Variants in NFIC observed in about 807,000 individuals in gnomAD.
NFIC encodes nuclear factor 1 C-type.
NFIC carries 12 observed loss-of-function variants against 54.4 expected under a neutral mutation model. The ratio of observed to expected loss-of-function variants is 0.22; its 90% CI spans 0.14 to 0.36. NFIC has a LOEUF of 0.36. NFIC is among the 10% of genes least tolerant of loss of function. The pLI is 1.00. For synonymous variants in NFIC, 322 were observed against 319.2 expected, an observed-to-expected ratio of 1.01 and a Z score of -0.09; for missense variants, 575 against 718.2, an observed-to-expected ratio of 0.80 and a Z score of 2.28.
chr19:3,362,830 C>G (rs901964474), upstream of NFIC, among the ~76,000 whole-genome samples: 2 of 152,134 alleles, frequency 1.3e-5, no homozygotes, highest in Non-Finnish European at 2.9e-5. Flanking sequence ...GCACACTGCA[C>G]TGCTGTGTAA....
upstream of NFIC, among the ~76,000 whole-genome samples, chr19:3,365,140 G>A (rs142850073): frequency 5.3e-4 from 80 of 152,280 alleles, no homozygotes; most frequent in East Asian, 9.5e-3. Flanking sequence ...AGTGGCTTCC[G>A]TTCTCTGGGC....
chr19:3,452,880 T>C lies in NFIC; in HGVS notation c.1269+214T>C, dbSNP rs749770369. Among the ~76,000 whole-genome samples, 8 of 152,188 alleles carry C rather than the reference T, an allele frequency of 5.3e-5. No individual in the cohort carries two copies. Among genetic ancestry groups the C allele is most frequent in the Non-Finnish European group, 1.0e-4 (7 of 68,040 alleles). ...GTTTCGGGCGCATCATGTCGCACCCTGTGGGGTCTGGGTAGCACCCGTAGG... is the reference window on the plus strand; with the variant it reads ...GTTTCGGGCGCATCATGTCGCACCCCGTGGGGTCTGGGTAGCACCCGTAGG... On this transcript the variant is annotated intron_variant, in intron 8 of 10. Transcript: ENST00000443272. This position sits in a 1 kb window ranked among gnomAD's most constrained non-coding sequence, Gnocchi z 5.3.
intron 2 of NFIC, among the ~76,000 whole-genome samples, chr19:3,398,909 C>T (rs918812808): frequency 6.6e-6 from 1 of 152,244 alleles, no homozygotes; most frequent in South Asian, 2.1e-4. Context: ...CTGCGGACTC[C>T]GCCCTCAGCA....
intron 2 of NFIC, among the ~76,000 whole-genome samples, chr19:3,402,519 T>C (rs906242659): frequency 5.9e-5 from 9 of 152,204 alleles, no homozygotes; most frequent in Non-Finnish European, 1.3e-4. Flanking sequence ...AACAGAGATC[T>C]AGACAGACAA....
intron 2 of NFIC, among the ~76,000 whole-genome samples, chr19:3,389,188 G>A (rs547143819): frequency 5.9e-5 from 9 of 152,334 alleles, no homozygotes; most frequent in African/African-American, 2.2e-4. Context: ...CCCTATGGAA[G>A]GGGACCAAGC....
intron 2 of NFIC, among the ~76,000 whole-genome samples, chr19:3,387,503 A>T (rs1174750275): frequency 3.9e-5 from 6 of 152,136 alleles, no homozygotes; most frequent in Non-Finnish European, 8.8e-5. Context: ...CTCAAAAAAT[A>T]AAAATTAAAA....
At chr19:3,446,204 C>G (rs1196184419) in intron 6 of NFIC, among the ~76,000 whole-genome samples, 1 of 152,236 alleles carries the variant, frequency 6.6e-6, no homozygotes, top group Non-Finnish European at 1.5e-5. Flanking sequence ...CTCCTCTCTC[C>G]CTCCTCACTC....
upstream of NFIC, among the ~76,000 whole-genome samples, chr19:3,366,081 G>A (rs1383912533): frequency 6.6e-6 from 1 of 151,786 alleles, no homozygotes; most frequent in African/African-American, 2.4e-5. Context: ...CCAGCTCGGG[G>A]GTGATGGGGG....
chr19:3,435,189 A>G lies in NFIC; in HGVS notation c.940A>G (p.Thr314Ala). 2 of 1,604,804 alleles carry G rather than the reference A, an allele frequency of 1.2e-6. No homozygotes were observed. The highest frequency in any genetic ancestry group is 1.7e-6 in the Non-Finnish European group (2 of 1,175,688). The change falls in exon 6 of 11, where the codon ACG (threonine) becomes GCG (alanine). Residue 314 changes from threonine (T) to alanine (A), a missense_variant. Physicochemically the swap from Thr to Ala is moderately conservative, Grantham distance 58. Coordinates refer to ENST00000443272, the MANE Select transcript of NFIC (RefSeq NM_001245002.2). Reference sequence around the variant, plus strand: ...GCCCACGAGTAGCAGCCGCAACTGGACGGAGGACATGGAAGGAGGTAGGGC... The same window carrying G: ...GCCCACGAGTAGCAGCCGCAACTGGGCGGAGGACATGGAAGGAGGTAGGGC... ...SSPTSSSRNWTEDMEGGISSP... is the reference protein window; with the variant it reads ...SSPTSSSRNWAEDMEGGISSP...
chr19:3,393,157 C>T (rs751322051), intron 2 of NFIC, among the ~76,000 whole-genome samples: 7 of 151,874 alleles, frequency 4.6e-5, no homozygotes, highest in Non-Finnish European at 8.8e-5. Flanking sequence ...GCCAGGCTGA[C>T]CTCGTGATCC....
At chr19:3,434,737 C>T (rs1298592590) in intron 5 of NFIC, among the ~76,000 whole-genome samples, 1 of 152,192 alleles carries the variant, frequency 6.6e-6, no homozygotes, top group Non-Finnish European at 1.5e-5. Flanking sequence ...CCCAGTTTCC[C>T]CATCCATAAA....
chr19:3,463,062 C>G lies in NFIC; in HGVS notation c.*293C>G. The G allele has an allele frequency of 5.3e-6, 7 of 1,316,738 alleles. No homozygotes were observed. The highest frequency in any genetic ancestry group is 5.8e-6 in the Non-Finnish European group (6 of 1,035,176). 81.6% of individuals were successfully genotyped at this position (1,316,738 alleles called of 1,614,324 possible). On this transcript the variant is annotated 3_prime_UTR_variant, in exon 11 of 11. Coordinates refer to ENST00000443272, the MANE Select transcript of NFIC (RefSeq NM_001245002.2). ...ACGCCAAGGCCGCAGGACTGGAGGG[C>G]CAGGCCCCGCCACCCCCACGGGAGA...
chr19:3,366,959 TC>T (rs5826818), intron 1 of NFIC, among the ~76,000 whole-genome samples: 54 of 130,770 alleles, frequency 4.1e-4, no homozygotes, highest in African/African-American at 7.9e-4. Context: ...CAGATTTGCG[TC>T]CCCCCCCCAC....
At chr19:3,418,605 A>C (rs551735710) in intron 2 of NFIC, among the ~76,000 whole-genome samples, 3 of 152,082 alleles carry the variant, frequency 2.0e-5, no homozygotes, top group South Asian at 2.1e-4. Context: ...TAATCCCAGC[A>C]CTTTGGGAGG....
intron 6 of NFIC, among the ~76,000 whole-genome samples, chr19:3,438,869 T>TG (rs2082247988): frequency 6.6e-6 from 1 of 151,908 alleles, no homozygotes; most frequent in South Asian, 2.1e-4. Flanking sequence ...GTGAGGGAGA[T>TG]GGGTTTTTAT....
At chr19:3,360,574 G>C (rs1254920564) in intron 1 of NFIC, among the ~76,000 whole-genome samples, 1 of 152,174 alleles carries the variant, frequency 6.6e-6, no homozygotes. Context: ...GGGTGGTAGT[G>C]TACCTGCCTT....
Position 3,464,032 on chromosome 19 carries a change from T to C in NFIC, c.*1263T>C, listed in dbSNP as rs1195135082. ...GCTGGGCGTCACTTCGCAAGCGTCC[T>C]GCCCTGCCGGGGCGCGGGGGTGGGC... is the stretch of plus-strand genomic sequence containing the variant. On this transcript the variant is annotated 3_prime_UTR_variant, in exon 11 of 11. Transcript: ENST00000443272. 3 of 985,120 alleles carry C rather than the reference T, an allele frequency of 3.0e-6. No individual in the cohort carries two copies. Among genetic ancestry groups the C allele is most frequent in the Non-Finnish European group, 3.6e-6 (3 of 829,874 alleles). 61.0% of individuals were successfully genotyped at this position (985,120 alleles called of 1,614,324 possible). A position where few individuals can be genotyped will look rare whatever the true frequency, so the allele number is the denominator to read the frequency against.
In NFIC at chr19:3,375,969, C is replaced by T. The variant is rs991405626; in HGVS notation, c.31-5743C>T. Among the ~76,000 whole-genome samples the T allele has an allele frequency of 6.6e-6, 1 of 152,080 alleles. No homozygotes were observed. The highest frequency in any genetic ancestry group is 2.1e-4 in the South Asian group (1 of 4,828). The stretch of plus-strand genomic sequence containing the variant: ...GCTGTTCTGAGAAAGGGACCCGTGG[C>T]CTTCCAGGGGGTCAGGGCCCTGATT... On this transcript the variant is annotated intron_variant, in intron 1 of 10. Coordinates refer to ENST00000443272, the MANE Select transcript of NFIC (RefSeq NM_001245002.2). This position sits in a 1 kb window ranked among gnomAD's most constrained non-coding sequence, Gnocchi z 4.6.
At chr19:3,425,256 T>C (rs536549374) in intron 3 of NFIC, 79 bp downstream of exon 3, 111 of 1,467,780 alleles carry the variant, frequency 7.6e-5, no homozygotes, top group Non-Finnish European at 9.3e-5. Flanking sequence ...ATCATTTGCT[T>C]GGCACCACTC....
Sources: gnomAD v4.1 joint callset for allele counts (sites outside exome capture counted in the v4.1 genomes callset) on GRCh38, gnomAD v4.1.1 for gene constraint, Gnocchi (gnomAD v3.1) non-coding constraint, MANE v1.5 for transcripts, NCBI Gene and HGNC (gene_info 2026-07-23, HGNC 2026-07-21) for gene names.